C4orf33: variants seen among roughly 807,000 people sequenced by gnomAD.
The protein encoded by C4orf33 is chromosome 4 open reading frame 33, also known as UPF0462 protein C4orf33.
C4orf33 carries 20 observed loss-of-function variants against 24.3 expected under a neutral mutation model. The ratio of observed to expected loss-of-function variants is 0.82; its 90% CI spans 0.58 to 1.19. The LOEUF (loss-of-function observed/expected upper bound fraction) is 1.19, where lower values mean the gene tolerates loss of function less well. Among genes scored for constraint, C4orf33 ranks in the 50% most tolerant of loss-of-function variants. The pLI is 0.00. For synonymous variants in C4orf33, 67 were observed against 76.4 expected, an observed-to-expected ratio of 0.88 and a Z score of 0.64; for missense variants, 207 against 225.9, an observed-to-expected ratio of 0.92 and a Z score of 0.54.
intron 5 of C4orf33, among the ~76,000 whole-genome samples, chr4:129,110,390 A>G (rs1753658648): frequency 6.6e-6 from 1 of 152,296 alleles, no homozygotes; most frequent in East Asian, 1.9e-4. Context: ...TTGCACCTGT[A>G]GCTCTCACAT....
At position 129,113,543 on chromosome 4, in the gene C4orf33, T is replaced by C. The variant is rs1433515310; in HGVS notation, c.*1752T>C. ...AATAATCATCCTTTTGTTTAAAATA[T>C]GCATAAATGCATTTCTTTGCTGTGA... is the stretch of plus-strand genomic sequence containing the variant. On this transcript the variant is annotated 3_prime_UTR_variant, in exon 6 of 6. Transcript: ENST00000425929. The C allele has an allele frequency of 6.6e-6, 1 of 152,222 alleles. No individual in the cohort carries two copies. Among genetic ancestry groups the C allele is most frequent in the Non-Finnish European group, 1.5e-5 (1 of 68,034 alleles). 9.4% of individuals were successfully genotyped at this position (152,222 alleles called of 1,614,324 possible). A position where few individuals can be genotyped will look rare whatever the true frequency, so the allele number is the denominator to read the frequency against.
chr4:129,108,610 G>A (rs1164377316), intron 3 of C4orf33, among the ~76,000 whole-genome samples: 4 of 152,144 alleles, frequency 2.6e-5, no homozygotes, highest in East Asian at 3.8e-4. Flanking sequence ...TAAAGTGGTT[G>A]AATTCAGACT....
At chr4:129,110,536 A>G (rs980954314) in intron 5 of C4orf33, among the ~76,000 whole-genome samples, 6 of 152,158 alleles carry the variant, frequency 3.9e-5, no homozygotes, top group Non-Finnish European at 8.8e-5. Context: ...AGGTATACTC[A>G]CTATGGCCAA....
rs59872290 is a variant in C4orf33, at chr4:129,104,959, A to AGT, written c.182-1604_182-1603dup. Among the ~76,000 whole-genome samples the AGT allele has an allele frequency of 5.3e-3, 795 of 149,238 alleles. 7 individuals are homozygous for AGT. Among genetic ancestry groups the AGT allele is most frequent in the African/African-American group, 0.015 (594 of 40,384 alleles). On this transcript the variant is annotated intron_variant, in intron 2 of 5. Transcript: ENST00000425929. ...AGCAGAAGATATATATGTGCATCTGAGTGTGTGTGTGTGTGTGTGTGTGTG... is the reference window on the plus strand; with the variant it reads ...AGCAGAAGATATATATGTGCATCTGAGTGTGTGTGTGTGTGTGTGTGTGTGTG...
chr4:129,094,570 A>G (rs1753123458), upstream of C4orf33, among the ~76,000 whole-genome samples: 1 of 152,214 alleles, frequency 6.6e-6, no homozygotes, highest in South Asian at 2.1e-4. Flanking sequence ...AATGTATTCA[A>G]ATATATGCAG....
intron 1 of C4orf33, among the ~76,000 whole-genome samples, chr4:129,097,999 T>C (rs1483462107): frequency 6.6e-6 from 1 of 152,224 alleles, no homozygotes; most frequent in African/African-American, 2.4e-5. Flanking sequence ...CTTTTCCTTA[T>C]TGATTTCTAG....
chr4:129,103,683 A>C (rs1580010657), intron 2 of C4orf33, among the ~76,000 whole-genome samples: 1 of 152,178 alleles, frequency 6.6e-6, no homozygotes, highest in Admixed American at 6.5e-5. Flanking sequence ...AATCATTACT[A>C]TCCCTAGGAT....
chr4:129,112,109 C>T lies in C4orf33; in HGVS notation c.*318C>T. On this transcript the variant is annotated 3_prime_UTR_variant, in exon 6 of 6. Transcript: ENST00000425929. ...GGGGAACAATTGAGGTTGTCCAAGG[C>T]CACCTAGAGGACTGTCTTGCACTAC... 1 of 190,326 alleles carries T rather than the reference C, an allele frequency of 5.3e-6. No individual in the cohort carries two copies. The highest frequency in any genetic ancestry group is 1.1e-5 in the Non-Finnish European group (1 of 92,684). 11.8% of individuals were successfully genotyped at this position (190,326 alleles called of 1,614,324 possible).
intron 1 of C4orf33, 112 bp downstream of exon 1, chr4:129,096,321 T>C (rs1023796588): frequency 6.6e-6 from 1 of 152,242 alleles, no homozygotes; most frequent in African/African-American, 2.4e-5. Context: ...ACTTTTCAGC[T>C]GTCTCCTGCT....
intron 1 of C4orf33, among the ~76,000 whole-genome samples, chr4:129,100,055 A>AT (rs1286298212): frequency 1.3e-5 from 2 of 152,126 alleles, no homozygotes; most frequent in Non-Finnish European, 2.9e-5. Flanking sequence ...TCTAGTCACT[A>AT]TTTTTTGCAG....
In C4orf33 at chr4:129,096,152, G is replaced by A. The variant is rs145713768; in HGVS notation, c.-67G>A. The A allele has an allele frequency of 2.0e-5, 3 of 152,208 alleles. No individual in the cohort carries two copies. Among genetic ancestry groups the A allele is most frequent in the African/African-American group, 4.8e-5 (2 of 41,476 alleles). The allele number at this position is 152,208 out of a possible 1,614,324, so 9.4% of individuals were successfully genotyped here. ...GCAGCTGGGTGGAGCCTAAAGCCGA[G>A]CCCTCTCCTGTGACCTCGGCTGAAA... On this transcript the variant is annotated 5_prime_UTR_variant, in exon 1 of 6. Transcript: ENST00000425929.
At chr4:129,105,320 A>C (rs2125802065) in intron 2 of C4orf33, among the ~76,000 whole-genome samples, 1 of 152,268 alleles carries the variant, frequency 6.6e-6, no homozygotes, top group African/African-American at 2.4e-5. Context: ...AGCCCCAGCC[A>C]CATTATAGAG....
chr4:129,107,911 T>G (rs896486793), intron 3 of C4orf33, among the ~76,000 whole-genome samples: 1 of 152,108 alleles, frequency 6.6e-6, no homozygotes, highest in Non-Finnish European at 1.5e-5. Flanking sequence ...GATTCTCTCT[T>G]GTTAAGAAAT....
chr4:129,099,300 T>C (rs541682595), intron 1 of C4orf33, among the ~76,000 whole-genome samples: 26 of 152,298 alleles, frequency 1.7e-4, no homozygotes, highest in African/African-American at 6.0e-4. Flanking sequence ...TATTATATAT[T>C]ATTTCCCCAG....
Position 129,115,831 on chromosome 4 carries a change from A to ATATATATATATATATATATATAT in C4orf33, c.*4040_*4041insTATATATATATATATATATATAT, listed in dbSNP as rs1561095059. 8 of 43,740 alleles carry ATATATATATATATATATATATAT rather than the reference A, an allele frequency of 1.8e-4. No homozygotes were observed. Among genetic ancestry groups the ATATATATATATATATATATATAT allele is most frequent in the Admixed American group, 7.8e-4 (3 of 3,848 alleles). The allele number at this position is 43,740 out of a possible 1,614,324, so 2.7% of individuals were successfully genotyped here. On this transcript the variant is annotated 3_prime_UTR_variant, in exon 6 of 6. Coordinates refer to ENST00000425929, the MANE Select transcript of C4orf33 (RefSeq NM_001099783.2). The stretch of plus-strand genomic sequence containing the variant: ...ATATATATATATATATATATATATA[A>ATATATATATATATATATATATAT]AATATATATGTTTATATATAACATA...
In C4orf33 at chr4:129,108,948, G is replaced by A. The variant is rs186344253; in HGVS notation, c.243-359G>A. Among the ~76,000 whole-genome samples the A allele has an allele frequency of 5.8e-3, 887 of 151,946 alleles. 23 individuals carry two copies. Among genetic ancestry groups the A allele is most frequent in the East Asian group, 0.01 (54 of 5,174 alleles). ...TGTTGCCACGCTGGAGTACAGTGGC[G>A]CTATCTTGGCTCACTGCAACCTCCA... On this transcript the variant is annotated intron_variant, in intron 3 of 5. Coordinates refer to ENST00000425929, the MANE Select transcript of C4orf33 (RefSeq NM_001099783.2).
At chr4:129,100,349 T>C (rs1431284044) in intron 1 of C4orf33, among the ~76,000 whole-genome samples, 1 of 145,802 alleles carries the variant, frequency 6.9e-6, no homozygotes, top group Non-Finnish European at 1.5e-5. Flanking sequence ...TTTTTTTGGC[T>C]CATCAGCTAT....
chr4:129,098,254 G>A (rs994710022), intron 1 of C4orf33, among the ~76,000 whole-genome samples: 4 of 152,052 alleles, frequency 2.6e-5, no homozygotes, highest in Non-Finnish European at 5.9e-5. Context: ...TTTGAGGTAC[G>A]AATGATCCTA....
At chr4:129,094,843 C>T (rs1267123925), upstream of C4orf33, among the ~76,000 whole-genome samples, 4 of 152,152 alleles carry the variant, frequency 2.6e-5, no homozygotes, top group East Asian at 1.9e-4. Flanking sequence ...GTATATGACT[C>T]TTTCTTCATA....
Sources: allele counts gnomAD v4.1 joint callset (sites outside exome capture counted in the v4.1 genomes callset), GRCh38; gene constraint gnomAD v4.1.1; transcripts MANE v1.5; gene names NCBI Gene and HGNC (gene_info 2026-07-23, HGNC 2026-07-21).